SPATA32: variants seen among roughly 807,000 people sequenced by gnomAD.
The protein encoded by SPATA32 is spermatogenesis-associated protein 32.
SPATA32 carries 28 observed loss-of-function variants against 35.4 expected under a neutral mutation model. The observed-to-expected ratio is 0.79, with a 90% CI of 0.59 to 1.09. SPATA32 has a LOEUF of 1.09. Among genes scored for constraint, SPATA32 ranks in the 50% least tolerant of loss-of-function variants. The pLI, the probability that SPATA32 is intolerant of heterozygous loss-of-function variation, is 0.00. For missense variants in SPATA32, 409 were observed against 475.9 expected, an observed-to-expected ratio of 0.86 and a Z score of 1.31; for synonymous variants, 168 against 196.3, an observed-to-expected ratio of 0.86 and a Z score of 1.20.
chr17:45,260,326 T>C (rs1200515737), intron 1 of SPATA32, among the ~76,000 whole-genome samples: 1 of 152,130 alleles, frequency 6.6e-6, no homozygotes, highest in Non-Finnish European at 1.5e-5. Flanking sequence ...TCTCCCTTTC[T>C]AGTCTGTCAT....
In SPATA32 at chr17:45,255,440, G is replaced by A. The variant is rs1296788682; in HGVS notation, c.742C>T (p.Leu248=). 1 of 1,614,148 alleles carries A rather than the reference G, an allele frequency of 6.2e-7. No individual in the cohort carries two copies. Among genetic ancestry groups the A allele is most frequent in the East Asian group, 2.2e-5 (1 of 44,884 alleles). ...LTELITFASS[L]AMASSSRMDL... is the part of the protein sequence containing the mutation. ...ATCCTGCTGGAGGAGGCCATGGCCA[G>A]GGAAGATGCAAAGGTGATTAGCTCT... Residue 248 remains leucine (L), a synonymous_variant, in exon 4 of 5, where the codon CTG becomes TTG. Coordinates refer to ENST00000331780, the MANE Select transcript of SPATA32 (RefSeq NM_152343.3). The surrounding 1 kb of genome is among the most constrained non-coding windows in gnomAD (Gnocchi z 5.4).
At chr17:45,259,609 C>A (rs1176624517) in intron 1 of SPATA32, among the ~76,000 whole-genome samples, 1 of 151,912 alleles carries the variant, frequency 6.6e-6, no homozygotes, top group African/African-American at 2.4e-5. Flanking sequence ...CAACCTCAAC[C>A]TCCCTGTCTC....
In SPATA32 at chr17:45,255,051, T is replaced by C. The variant is rs2043942407; in HGVS notation, c.1067+64A>G. On this transcript the variant is annotated intron_variant, in intron 4 of 4. Coordinates refer to ENST00000331780, the MANE Select transcript of SPATA32 (RefSeq NM_152343.3). This position sits in a 1 kb window ranked among gnomAD's most constrained non-coding sequence, Gnocchi z 5.4. ...TGTTCCCCACCCCTACCCAGCTGTG[T>C]GAGGACCCCTGCCACGTTCTAGCAC... The C allele has an allele frequency of 2.0e-6, 3 of 1,510,450 alleles. No individual in the cohort carries two copies. The highest frequency in any genetic ancestry group is 2.7e-6 in the Non-Finnish European group (3 of 1,097,018). 93.6% of individuals were successfully genotyped at this position (1,510,450 alleles called of 1,614,324 possible). A position where few individuals can be genotyped will look rare whatever the true frequency, so the allele number is the denominator to read the frequency against.
chr17:45,254,648 A>G (rs8065345), intron 4 of SPATA32, 135 bp from the exon 5 acceptor site: 118,418 of 694,272 alleles, frequency 0.17, 14,687 homozygotes, highest in African/African-American at 0.51. Context: ...GGCAGCTGAG[A>G]TTACATTCTG....
Position 45,256,433 on chromosome 17 carries a change from A to C in SPATA32, c.69-18T>G, listed in dbSNP as rs747178239. ...AGTCATCTCTAAGACAGAAGAAGAC[A>C]GAGTGGGTGATGGGGATCTGTGGGG... On this transcript the variant is annotated intron_variant, in intron 2 of 4. Transcript: ENST00000331780. The surrounding 1 kb of genome is among the most constrained non-coding windows in gnomAD (Gnocchi z 4.7). The C allele has an allele frequency of 1.2e-6, 2 of 1,607,820 alleles. No homozygotes were observed. Among genetic ancestry groups the C allele is most frequent in the South Asian group, 2.2e-5 (2 of 90,982 alleles).
At chr17:45,258,222 A>G (rs2043975320) in intron 1 of SPATA32, among the ~76,000 whole-genome samples, 1 of 152,090 alleles carries the variant, frequency 6.6e-6, no homozygotes, top group African/African-American at 2.4e-5. Context: ...GATTGGGACC[A>G]TCTGCTTCAG....
In SPATA32 at chr17:45,255,177, T is replaced by A. The variant is rs1469563544; in HGVS notation, c.1005A>T (p.Lys335Asn). ...SKPGIKRATIKGQIQLLQPPA... is the reference protein window; with the variant it reads ...SKPGIKRATINGQIQLLQPPA... ...GTGGCTGGAGAAGCTGGATTTGCCC[T>A]TTGATGGTGGCCCTCTTGATCCCCG... Residue 335 changes from lysine to asparagine, a missense_variant, in exon 4 of 5, where the codon AAA (lysine) becomes AAT (asparagine). Physicochemically the swap from Lys to Asn is moderately conservative, Grantham distance 94 (BLOSUM62 0). Transcript: ENST00000331780. This position sits in a 1 kb window ranked among gnomAD's most constrained non-coding sequence, Gnocchi z 5.4. The A allele has an allele frequency of 6.2e-7, 1 of 1,614,098 alleles. No homozygotes were observed. Among genetic ancestry groups the A allele is most frequent in the Non-Finnish European group, 8.5e-7 (1 of 1,180,040 alleles).
intron 2 of SPATA32, 60 bp downstream of exon 2, chr17:45,257,093 G>C: frequency 6.4e-7 from 1 of 1,566,748 alleles, no homozygotes; most frequent in Non-Finnish European, 8.7e-7. Flanking sequence ...GGCTGGGGGT[G>C]AGGTCGGAGG....
At position 45,256,227 on chromosome 17, in the gene SPATA32, G is replaced by T; in HGVS notation, c.108+149C>A. 8.3e-7 allele frequency: 1 copy of T among 1,203,374 alleles called. No homozygotes were observed. The highest frequency in any genetic ancestry group is 1.2e-6 in the Non-Finnish European group (1 of 822,014). The allele number at this position is 1,203,374 out of a possible 1,614,324, so 74.5% of individuals were successfully genotyped here. A position where few individuals can be genotyped will look rare whatever the true frequency, so the allele number is the denominator to read the frequency against. On this transcript the variant is annotated intron_variant, in intron 3 of 4. Transcript: ENST00000331780. The surrounding 1 kb of genome is among the most constrained non-coding windows in gnomAD (Gnocchi z 4.7). ...CATGCCTGCCTCCTCTCAGAGACCT[G>T]CCCGGTGAGGGGGTGTGTGTGTGGG...
chr17:45,261,736 C>T (rs1255298162), intron 1 of SPATA32: 5 of 393,474 alleles, frequency 1.3e-5, no homozygotes, highest in African/African-American at 2.1e-5. Context: ...GAACCACTGA[C>T]TCTGCAGTCC....
intron 1 of SPATA32, among the ~76,000 whole-genome samples, chr17:45,257,573 TC>T (rs1180129488): frequency 6.6e-6 from 1 of 152,014 alleles, no homozygotes; most frequent in Non-Finnish European, 1.5e-5. Context: ...TTGCCCAAGG[TC>T]CCCCAGCTGA....
At chr17:45,257,805 A>G (rs59896927) in intron 1 of SPATA32, among the ~76,000 whole-genome samples, 6,305 of 152,176 alleles carry the variant, frequency 0.041, 442 homozygotes, top group African/African-American at 0.14. Flanking sequence ...CCAGGTGTGT[A>G]ATCTGAGGTG....
Position 45,254,488 on chromosome 17 carries a change from CTT to C in SPATA32, c.1091_1092del (p.Lys364ArgfsTer11), listed in dbSNP as rs1371884942. 4.3e-6 allele frequency: 7 copies of C among 1,613,866 alleles called. No individual in the cohort carries two copies. Among genetic ancestry groups the C allele is most frequent in the Non-Finnish European group, 5.9e-6 (7 of 1,179,834 alleles). ...KEDSVPPGKE[K>X]ENPLLVKIHF... ...TGGATTTTCACCAATAATGGATTCT[CTT>C]TCTCTTTTCCTGGCGGCACTGAGCT... is the stretch of plus-strand genomic sequence containing the variant. On this transcript the variant is annotated frameshift_variant, in exon 5 of 5. Transcript: ENST00000331780. LOFTEE classifies it high-confidence loss of function.
In SPATA32 at chr17:45,255,879, T is replaced by C. The variant is rs774240885; in HGVS notation, c.303A>G (p.Glu101=). Residue 101 remains glutamate, a synonymous_variant, in exon 4 of 5, where the codon GAA becomes GAG. Transcript: ENST00000331780. This position sits in a 1 kb window ranked among gnomAD's most constrained non-coding sequence, Gnocchi z 5.4. The part of the protein sequence containing the change: ...ANSNEESDFE[E]PMQLVCKIES... The stretch of plus-strand genomic sequence containing the variant: ...CTATCTTGCATACCAGCTGCATGGG[T>C]TCTTCAAAGTCAGACTCCTCGTTCG... The C allele has an allele frequency of 7.4e-6, 12 of 1,613,854 alleles. No individual in the cohort carries two copies. In the Admixed American group the frequency reaches 2.0e-4, roughly 27 times the overall value.
Position 45,254,474 on chromosome 17 carries a change from C to T in SPATA32, c.1107G>A (p.Leu369=), listed in dbSNP as rs749773606. Residue 369 remains leucine (L), a synonymous_variant, in exon 5 of 5, where the codon TTG becomes TTA. Transcript: ENST00000331780. ...CTGACAGCTTAAAATGGATTTTCAC[C>T]AATAATGGATTCTCTTTCTCTTTTC... ...PPGKEKENPL[L]VKIHFKLSAP... The T allele has an allele frequency of 1.4e-5, 22 of 1,614,158 alleles. No homozygotes were observed. The highest frequency in any genetic ancestry group is 1.9e-5 in the Non-Finnish European group (22 of 1,180,018).
chr17:45,261,342 C>A (rs1229355699), intron 1 of SPATA32, among the ~76,000 whole-genome samples: 1 of 152,184 alleles, frequency 6.6e-6, no homozygotes, highest in African/African-American at 2.4e-5. Context: ...ACCTCTGCCT[C>A]CCGAAGTGTT....
Position 45,255,126 on chromosome 17 carries a change from TC to T in SPATA32, c.1055del (p.Gly352GlufsTer19). The T allele has an allele frequency of 1.9e-6, 3 of 1,614,106 alleles. No homozygotes were observed. Among genetic ancestry groups the T allele is most frequent in the Non-Finnish European group, 2.5e-6 (3 of 1,179,982 alleles). On this transcript the variant is annotated frameshift_variant, in exon 4 of 5. Coordinates refer to ENST00000331780, the MANE Select transcript of SPATA32 (RefSeq NM_152343.3). LOFTEE classifies it high-confidence loss of function. This position sits in a 1 kb window ranked among gnomAD's most constrained non-coding sequence, Gnocchi z 5.4. ...QPPATSPLLQ[G>X]SKEDSVPPGK... ...CTGGCCTCACTCACTCTTCCTTGCT[TC>T]CCTGCAGCAGAGGGGACGTGGCTGG...
intron 1 of SPATA32, chr17:45,261,055 G>A (rs964902493): frequency 8.1e-5 from 12 of 148,658 alleles, no homozygotes; most frequent in Admixed American, 5.4e-4. Context: ...TCTAATCTAC[G>A]TTTTACCTTA....
Position 45,255,856 on chromosome 17 carries a change from A to C in SPATA32, c.326T>G (p.Ile109Arg), listed in dbSNP as rs1302116878. 3.1e-6 allele frequency: 5 copies of C among 1,613,996 alleles called. No individual in the cohort carries two copies. Among genetic ancestry groups the C allele is most frequent in the Non-Finnish European group, 4.2e-6 (5 of 1,180,012 alleles). ...CCCCATGTTGGAGTGGACGGACTCT[A>C]TCTTGCATACCAGCTGCATGGGTTC... ...FEEPMQLVCK[I>R]ESVHSNMGLP... The change falls in exon 4 of 5, where the codon ATA becomes AGA. Residue 109 changes from isoleucine (I) to arginine (R), a missense_variant. Transcript: ENST00000331780. The surrounding 1 kb of genome is among the most constrained non-coding windows in gnomAD (Gnocchi z 5.4).
Sources: gnomAD v4.1 joint callset for allele counts (sites outside exome capture counted in the v4.1 genomes callset) on GRCh38, gnomAD v4.1.1 for gene constraint, Gnocchi (gnomAD v3.1) non-coding constraint, MANE v1.5 for transcripts, NCBI Gene and HGNC (gene_info 2026-07-23, HGNC 2026-07-21) for gene names.